The following ABRAXAS1 variants were observed in gnomAD, a reference collection of about 807,000 sequenced individuals.
ABRAXAS1 encodes the protein BRCA1-A complex subunit Abraxas 1.
ABRAXAS1 carries 26 observed loss-of-function variants against 38.4 expected under a neutral mutation model. The observed-to-expected ratio is 0.68, with a 90% confidence interval of 0.50 to 0.94. The LOEUF is 0.94. ABRAXAS1 is among the 40% of genes least tolerant of loss of function. The probability of loss-of-function intolerance (pLI) is 0.00; values close to 1 mark genes in which losing one functional copy is unlikely to be tolerated. For synonymous variants in ABRAXAS1, 144 were observed against 165.5 expected, an observed-to-expected ratio of 0.87 and a Z score of 1.00; for missense variants, 438 against 481.9, an observed-to-expected ratio of 0.91 and a Z score of 0.85.
Position 83,460,973 on chromosome 4 carries a change from G to C in ABRAXAS1, c.*1496C>G, listed in dbSNP as rs777092043. On this transcript the variant is annotated 3_prime_UTR_variant, in exon 9 of 9. Transcript: ENST00000321945. Reference sequence around the variant, plus strand: ...AATAAGAAAGCTTTTTATTTTACAGGTCTTTGTGGGAAGAAACAGAAAGAA... The same window carrying C: ...AATAAGAAAGCTTTTTATTTTACAGCTCTTTGTGGGAAGAAACAGAAAGAA... 1 of 1,602,742 alleles carries C rather than the reference G, an allele frequency of 6.2e-7. No homozygotes were observed. Among genetic ancestry groups the C allele is most frequent in the Non-Finnish European group, 8.5e-7 (1 of 1,176,898 alleles).
rs201424228 is a variant in ABRAXAS1, at chr4:83,462,917, A to T, written c.797-15T>A. Reference sequence around the variant, plus strand: ...GTTCTTCTCTCCTAAACAAAATAGAATAACAGTTCAACATATAACATTTCT... The same window carrying T: ...GTTCTTCTCTCCTAAACAAAATAGATTAACAGTTCAACATATAACATTTCT... On this transcript the variant is annotated splice_polypyrimidine_tract_variant and intron_variant, in intron 8 of 8. Coordinates refer to ENST00000321945, the MANE Select transcript of ABRAXAS1 (RefSeq NM_139076.3). The T allele has an allele frequency of 5.6e-5, 84 of 1,498,058 alleles. No individual in the cohort carries two copies. Among genetic ancestry groups the T allele is most frequent in the Admixed American group, 3.5e-4 (16 of 45,450 alleles). 92.8% of individuals were successfully genotyped at this position (1,498,058 alleles called of 1,614,324 possible).
chr4:83,476,803 TCA>T, intron 2 of ABRAXAS1, 124 bp from the exon 3 acceptor site: 1 of 612,236 alleles, frequency 1.6e-6, no homozygotes, highest in Non-Finnish European at 3.0e-6. Flanking sequence ...ATTTTTATCC[TCA>T]CAACAAATCT....
chr4:83,482,711 G>C (rs948844435), intron 1 of ABRAXAS1, among the ~76,000 whole-genome samples: 4 of 152,122 alleles, frequency 2.6e-5, no homozygotes, highest in African/African-American at 9.7e-5. Flanking sequence ...AAAAAAAGTA[G>C]AAATAAAGAG....
intron 6 of ABRAXAS1, among the ~76,000 whole-genome samples, chr4:83,467,790 A>T (rs1437218742): frequency 6.6e-6 from 1 of 152,104 alleles, no homozygotes; most frequent in Non-Finnish European, 1.5e-5. Context: ...TGGGCGGGGG[A>T]TGGGGGAAGA....
At chr4:83,482,709 TAGAAATAAAGAGGAGAGG>T (rs1315322755) in intron 1 of ABRAXAS1, among the ~76,000 whole-genome samples, 3 of 151,616 alleles carry the variant, frequency 2.0e-5, no homozygotes, top group African/African-American at 7.3e-5. Context: ...AGAAAAAAAG[TAGAAATAAAGAGGAGAGG>T]AAGGGAAAGA....
chr4:83,476,995 A>G (rs1722799708), intron 2 of ABRAXAS1, among the ~76,000 whole-genome samples: 1 of 152,250 alleles, frequency 6.6e-6, no homozygotes, highest in African/African-American at 2.4e-5. Context: ...ATAAATTCAA[A>G]GTTGTCACAT....
At chr4:83,476,303 A>C (rs187935963) in intron 3 of ABRAXAS1, among the ~76,000 whole-genome samples, 3 of 152,226 alleles carry the variant, frequency 2.0e-5, no homozygotes, top group Non-Finnish European at 4.4e-5. Flanking sequence ...AGGGTAGAAA[A>C]AAGGGCTGCT....
At chr4:83,466,614 C>T (rs892141538) in intron 7 of ABRAXAS1, among the ~76,000 whole-genome samples, 1 of 151,776 alleles carries the variant, frequency 6.6e-6, no homozygotes, top group Non-Finnish European at 1.5e-5. Context: ...TGGCTCACTG[C>T]AAGCTCCATC....
At chr4:83,467,862 G>A (rs145517871) in intron 6 of ABRAXAS1, among the ~76,000 whole-genome samples, 14 of 152,058 alleles carry the variant, frequency 9.2e-5, no homozygotes, top group Non-Finnish European at 1.6e-4. Context: ...AATGGGAACC[G>A]GAGTCAATTT....
intron 2 of ABRAXAS1, chr4:83,480,372 A>C (rs1357548869): frequency 2.3e-6 from 1 of 428,230 alleles, no homozygotes; most frequent in Admixed American, 2.7e-5. Context: ...ACTCCATCTC[A>C]AAACAAAAAC....
intron 2 of ABRAXAS1, chr4:83,479,514 A>T (rs1020745455): frequency 6.6e-6 from 1 of 152,134 alleles, no homozygotes; most frequent in African/African-American, 2.4e-5. Context: ...TACCTCCAGG[A>T]GTGTGACTTT....
At chr4:83,474,966 C>A (rs1722714162) in intron 3 of ABRAXAS1, among the ~76,000 whole-genome samples, 1 of 152,228 alleles carries the variant, frequency 6.6e-6, no homozygotes, top group African/African-American at 2.4e-5. Context: ...TATGTAGTTA[C>A]CCTCTGAATG....
At position 83,484,758 on chromosome 4, in the gene ABRAXAS1, A is replaced by C. The variant is rs188443807; in HGVS notation, c.87+228T>G. 8.8e-4 allele frequency: 356 copies of C among 402,976 alleles called. 1 individual carries two copies. The highest frequency in any genetic ancestry group is 6.8e-3 in the African/African-American group (329 of 48,036). The allele number at this position is 402,976 out of a possible 1,614,324, so 25.0% of individuals were successfully genotyped here. Reference sequence around the variant, plus strand: ...GCGTGTGGGACACTTGGGTCGGAAAAGGGAAATAACGGAGGATAGCAGAGG... The same window carrying C: ...GCGTGTGGGACACTTGGGTCGGAAACGGGAAATAACGGAGGATAGCAGAGG... On this transcript the variant is annotated intron_variant, in intron 1 of 8. Coordinates refer to ENST00000321945, the MANE Select transcript of ABRAXAS1 (RefSeq NM_139076.3).
chr4:83,461,213 CACTAATAA>C lies in ABRAXAS1; in HGVS notation c.*1248_*1255del, dbSNP rs1722098183. On this transcript the variant is annotated 3_prime_UTR_variant, in exon 9 of 9. Coordinates refer to ENST00000321945, the MANE Select transcript of ABRAXAS1 (RefSeq NM_139076.3). ...TCGGGAATAAATTCTATCACGTTACCACTAATAAACTTATTTTACAGTAAGTGGTTGTA... is the reference window on the plus strand; with the variant it reads ...TCGGGAATAAATTCTATCACGTTACCACTTATTTTACAGTAAGTGGTTGTA... The C allele has an allele frequency of 6.2e-7, 1 of 1,603,612 alleles. No individual in the cohort carries two copies. Among genetic ancestry groups the C allele is most frequent in the Non-Finnish European group, 8.5e-7 (1 of 1,172,540 alleles).
chr4:83,462,983 A>G, intron 8 of ABRAXAS1, 81 bp from the exon 9 acceptor site: 1 of 967,732 alleles, frequency 1.0e-6, no homozygotes, highest in Non-Finnish European at 1.5e-6. Context: ...AAGTAAAATT[A>G]AGTCAAAAAG....
chr4:83,471,081 AG>A (rs1385528197), intron 4 of ABRAXAS1, among the ~76,000 whole-genome samples: 2 of 151,772 alleles, frequency 1.3e-5, no homozygotes, highest in Non-Finnish European at 2.9e-5. Flanking sequence ...AATTAAAATT[AG>A]TTTTTAAAAA....
At chr4:83,463,863 C>A in intron 7 of ABRAXAS1, 1 of 245,114 alleles carries the variant, frequency 4.1e-6, no homozygotes, top group East Asian at 7.4e-5. Context: ...CCAGTTAGTT[C>A]GCTGAAAATA....
chr4:83,473,557 CA>C lies in ABRAXAS1; in HGVS notation c.216-1270del, dbSNP rs542359893. ...AACATGCAGAATTCATGTCAAACTG[CA>C]TAATTTTTTTTGAGACACGGTCTCG... is the stretch of plus-strand genomic sequence containing the variant. On this transcript the variant is annotated intron_variant, in intron 3 of 8. Transcript: ENST00000321945. 1.8e-4 allele frequency among the ~76,000 whole-genome samples: 28 copies of C among 152,126 alleles called. 1 individual carries two copies. In the South Asian group the frequency reaches 5.4e-3, roughly 29 times the overall value.
intron 7 of ABRAXAS1, among the ~76,000 whole-genome samples, chr4:83,464,732 T>A (rs771521734): frequency 6.6e-6 from 1 of 152,168 alleles, no homozygotes; most frequent in Non-Finnish European, 1.5e-5. Context: ...ACATAGCCAA[T>A]TGGCAGATCT....
Sources: gnomAD v4.1 joint callset for allele counts (sites outside exome capture counted in the v4.1 genomes callset) on GRCh38, gnomAD v4.1.1 for gene constraint, MANE v1.5 for transcripts, NCBI Gene and HGNC (gene_info 2026-07-23, HGNC 2026-07-21) for gene names.